The following LIFR variants were observed in gnomAD, a reference collection of about 807,000 sequenced individuals.
LIFR encodes leukemia inhibitory factor receptor.
A neutral mutation model predicts 122.2 loss-of-function variants in LIFR; 84 were observed. The ratio of observed to expected loss-of-function variants is 0.69; its 90% CI spans 0.58 to 0.82. The LOEUF (loss-of-function observed/expected upper bound fraction) is 0.82. Among genes scored for constraint, LIFR ranks in the 40% least tolerant of loss-of-function variants. LIFR has a pLI of 0.00. For synonymous variants in LIFR, 422 were observed against 434.7 expected (o/e 0.97, Z 0.36); for missense variants, 1,294 against 1,311.6 (o/e 0.99, Z 0.21).
intron 1 of LIFR, among the ~76,000 whole-genome samples, chr5:38,583,891 T>C (rs1749667794): frequency 6.6e-6 from 1 of 152,128 alleles, no homozygotes; most frequent in Non-Finnish European, 1.5e-5. Context: ...TCTGATGGCT[T>C]TATAAGGGGT....
At chr5:38,484,459 T>A (rs1353687949) in intron 18 of LIFR, among the ~76,000 whole-genome samples, 2 of 152,242 alleles carry the variant, frequency 1.3e-5, no homozygotes, top group Non-Finnish European at 2.9e-5. Context: ...GAGATCTTAA[T>A]CATTAAATTA....
chr5:38,527,130 A>G (rs1561177660), intron 4 of LIFR, 25 bp downstream of exon 4: 4 of 1,570,278 alleles, frequency 2.5e-6, no homozygotes, highest in Non-Finnish European at 2.6e-6. Flanking sequence ...TTACTTTAAA[A>G]TTGAGTTTGT....
chr5:38,480,731 T>C lies in LIFR; in HGVS notation c.*864A>G, dbSNP rs1016159112. On this transcript the variant is annotated 3_prime_UTR_variant, in exon 20 of 20. Coordinates refer to ENST00000453190, the MANE Select transcript of LIFR (RefSeq NM_001127671.2). ...TGGAATTACATGCTTATGAATAATA[T>C]TGAATTTGCTCATATAAAGCTGTCA... 7 of 210,268 alleles carry C rather than the reference T, an allele frequency of 3.3e-5. No homozygotes were observed. The highest frequency in any genetic ancestry group is 1.2e-4 in the Admixed American group (2 of 16,992). The allele number at this position is 210,268 out of a possible 1,614,324, so 13.0% of individuals were successfully genotyped here.
At position 38,478,140 on chromosome 5, in the gene LIFR, G is replaced by A. The variant is rs1263420197; in HGVS notation, c.*3455C>T. On this transcript the variant is annotated 3_prime_UTR_variant, in exon 20 of 20. Transcript: ENST00000453190. ...CAAATAATTACCCAAATATAAAAAG[G>A]ACTTGCAATGTTTGTTAAATATGGA... The A allele has an allele frequency of 4.8e-6, 1 of 208,142 alleles. No individual in the cohort carries two copies. The highest frequency in any genetic ancestry group is 9.8e-6 in the Non-Finnish European group (1 of 102,332). The allele number at this position is 208,142 out of a possible 1,614,324, so 12.9% of individuals were successfully genotyped here.
chr5:38,593,914 G>T lies in LIFR; in HGVS notation c.-20+1347C>A, dbSNP rs1490806265. On this transcript the variant is annotated intron_variant, in intron 1 of 19. Coordinates refer to the LIFR transcript ENST00000263409. ...GAATTACCAGCCTACAGATCTGTGA[G>T]AAATAAATGATTTTTGTTTAAGCTA... 2.0e-5 allele frequency among the ~76,000 whole-genome samples: 3 copies of T among 152,254 alleles called. No homozygotes were observed. The East Asian group carries it at 5.8e-4, about 29-fold the overall frequency.
In LIFR at chr5:38,572,946, C is replaced by T. The variant is rs1447451085; in HGVS notation, c.-20+22315G>A. On this transcript the variant is annotated intron_variant, in intron 1 of 19. Coordinates refer to the LIFR transcript ENST00000263409. ...AAACTGTGTGCATGGTCTATATAAC[C>T]TGCAAGATGTGGCCGCTGCAACTTT... Among the ~76,000 whole-genome samples, 4 of 152,306 alleles carry T rather than the reference C, an allele frequency of 2.6e-5. 1 individual carries two copies. In the South Asian group the frequency reaches 8.3e-4, roughly 32 times the overall value.
At chr5:38,538,174 C>T (rs909142491) in intron 1 of LIFR, among the ~76,000 whole-genome samples, 7 of 152,226 alleles carry the variant, frequency 4.6e-5, no homozygotes, top group Non-Finnish European at 8.8e-5. Context: ...TAATCCATTC[C>T]TTCTCTCACT....
intron 1 of LIFR, among the ~76,000 whole-genome samples, chr5:38,593,386 T>A (rs572141440): frequency 2.5e-4 from 38 of 152,320 alleles, no homozygotes; most frequent in East Asian, 3.9e-4. Context: ...CACATGGAGT[T>A]AAGTTTAAAT....
At chr5:38,583,143 G>A (rs575623504) in intron 1 of LIFR, among the ~76,000 whole-genome samples, 12 of 152,276 alleles carry the variant, frequency 7.9e-5, no homozygotes, top group East Asian at 1.9e-4. Context: ...TGCTTGTTAC[G>A]TAGAGCTGCT....
chr5:38,484,271 G>A (rs906117444), intron 18 of LIFR, among the ~76,000 whole-genome samples: 1 of 152,184 alleles, frequency 6.6e-6, no homozygotes, highest in African/African-American at 2.4e-5. Context: ...CTTGCTGGAT[G>A]CCTATGGTTT....
chr5:38,516,363 C>G (rs1433564762), intron 5 of LIFR, among the ~76,000 whole-genome samples: 1 of 151,974 alleles, frequency 6.6e-6, no homozygotes. Flanking sequence ...AACAAATTTA[C>G]AAGAAAAAAA....
chr5:38,536,934 T>A (rs1747322737), intron 1 of LIFR, among the ~76,000 whole-genome samples: 1 of 152,256 alleles, frequency 6.6e-6, no homozygotes, highest in East Asian at 1.9e-4. Flanking sequence ...TTTTGGTCTA[T>A]TATTCAAATA....
chr5:38,585,749 T>C lies in LIFR; in HGVS notation c.-20+9512A>G, dbSNP rs576831279. Among the ~76,000 whole-genome samples the C allele has an allele frequency of 1.3e-3, 205 of 152,158 alleles. 1 individual carries two copies. The highest frequency in any genetic ancestry group is 4.7e-3 in the African/African-American group (196 of 41,520). On this transcript the variant is annotated intron_variant, in intron 1 of 19. Transcript: ENST00000263409. The stretch of plus-strand genomic sequence containing the variant: ...TTTTTTTTTCATGGAGGAAAGCATC[T>C]AGGTCAGCTCATATGGCTATCTACT...
At chr5:38,576,292 A>G (rs975891023) in intron 1 of LIFR, among the ~76,000 whole-genome samples, 4 of 152,314 alleles carry the variant, frequency 2.6e-5, no homozygotes, top group East Asian at 3.9e-4. Flanking sequence ...TGTGGTCAAC[A>G]TCATATCCAG....
intron 5 of LIFR, among the ~76,000 whole-genome samples, chr5:38,515,602 G>A (rs918788570): frequency 4.0e-5 from 6 of 151,808 alleles, no homozygotes; most frequent in African/African-American, 1.5e-4. Context: ...GGGAGAAGGA[G>A]GGAGAGGGAG....
At chr5:38,518,616 C>G (rs1451744108) in intron 5 of LIFR, among the ~76,000 whole-genome samples, 2 of 152,166 alleles carry the variant, frequency 1.3e-5, no homozygotes, top group Non-Finnish European at 2.9e-5. Context: ...GAGTATAACA[C>G]ATATAATTGT....
chr5:38,535,917 G>C lies in LIFR; in HGVS notation c.-19-5251C>G, dbSNP rs142450609. On this transcript the variant is annotated intron_variant, in intron 1 of 19. Coordinates refer to ENST00000453190, the MANE Select transcript of LIFR (RefSeq NM_001127671.2). ...CCCAAGACACCAAAGCAAACTGACA[G>C]AGCTATCACAGAATATCTAAGTTTT... is the stretch of plus-strand genomic sequence containing the variant. Among the ~76,000 whole-genome samples the C allele has an allele frequency of 1.5e-3, 231 of 152,280 alleles. 1 individual carries two copies. Among genetic ancestry groups the C allele is most frequent in the Non-Finnish European group, 2.4e-3 (162 of 68,028 alleles).
chr5:38,556,972 G>A (rs978576161), upstream of LIFR: 2 of 152,216 alleles, frequency 1.3e-5, no homozygotes, highest in African/African-American at 4.8e-5. Context: ...ACGGCTCTGC[G>A]GGGAGGACCG....
intron 1 of LIFR, among the ~76,000 whole-genome samples, chr5:38,569,650 T>C (rs992854477): frequency 1.3e-5 from 2 of 152,170 alleles, no homozygotes; most frequent in African/African-American, 4.8e-5. Flanking sequence ...AACTGGTCCC[T>C]GGTGCCAGAA....
Sources: allele counts gnomAD v4.1 joint callset (sites outside exome capture counted in the v4.1 genomes callset), GRCh38; gene constraint gnomAD v4.1.1; transcripts MANE v1.5; gene names NCBI Gene and HGNC (gene_info 2026-07-23, HGNC 2026-07-21).